The following PLEKHS1 variants were observed in gnomAD, a reference collection of about 807,000 sequenced individuals.
The protein encoded by PLEKHS1 is pleckstrin homology domain containing S1.
PLEKHS1 carries 55 observed loss-of-function variants against 51.0 expected under a neutral mutation model. That is an observed-to-expected ratio of 1.08 (90% CI 0.87 to 1.35). The LOEUF (loss-of-function observed/expected upper bound fraction) is 1.35. Ranked by LOEUF, PLEKHS1 falls within the 40% of genes most tolerant of loss-of-function variation. The probability of loss-of-function intolerance (pLI) is 0.00; values close to 1 mark genes in which losing one functional copy is unlikely to be tolerated. For missense variants in PLEKHS1, 398 were observed against 423.0 expected (o/e 0.94, Z 0.52); for synonymous variants, 153 against 144.8 (o/e 1.06, Z -0.41).
intron 2 of PLEKHS1, 53 bp from the exon 3 acceptor site, chr10:113,766,358 G>A: frequency 1.8e-6 from 2 of 1,132,990 alleles, no homozygotes; most frequent in South Asian, 1.3e-5. Flanking sequence ...AATTGAGGCA[G>A]TTCTTTTCAG....
chr10:113,768,935 C>A (rs1427456090), intron 6 of PLEKHS1, 45 bp downstream of exon 6: 6 of 1,439,680 alleles, frequency 4.2e-6, no homozygotes, highest in Non-Finnish European at 5.7e-6. Context: ...CTGAACACAA[C>A]CCTCTTTCAA....
intron 11 of PLEKHS1, chr10:113,777,138 AAGGCCCCCC>A: frequency 1.9e-6 from 3 of 1,612,650 alleles, no homozygotes; most frequent in Non-Finnish European, 2.5e-6. Context: ...TCTCAGTGGG[AAGGCCCCCC>A]ACGTTTGGGA....
intron 2 of PLEKHS1, among the ~76,000 whole-genome samples, chr10:113,762,147 T>C (rs1843959506): frequency 6.6e-6 from 1 of 152,030 alleles, no homozygotes; most frequent in South Asian, 2.1e-4. Flanking sequence ...CAGTAGACTC[T>C]GTAGATATGT....
intron 2 of PLEKHS1, among the ~76,000 whole-genome samples, chr10:113,760,946 C>T (rs940307549): frequency 2.0e-5 from 3 of 152,124 alleles, no homozygotes; most frequent in African/African-American, 7.2e-5. Flanking sequence ...TTTTAGCTCT[C>T]ATGTTAAGGT....
exon 11 of PLEKHS1, chr10:113,775,843 C>T (rs532420190): frequency 3.1e-6 from 5 of 1,611,634 alleles, no homozygotes; most frequent in East Asian, 2.2e-5. Context: ...ATCTTGCTCT[C>T]ACAGAAGCCA....
chr10:113,766,544 AG>A, intron 3 of PLEKHS1, 45 bp downstream of exon 3: 1 of 1,581,932 alleles, frequency 6.3e-7, no homozygotes, highest in Non-Finnish European at 8.7e-7. Context: ...CAGCCTCATG[AG>A]CATTTTTAAA....
intron 2 of PLEKHS1, among the ~76,000 whole-genome samples, chr10:113,755,593 C>T (rs895027498): frequency 1.1e-4 from 16 of 151,940 alleles, no homozygotes; most frequent in Non-Finnish European, 2.2e-4. Flanking sequence ...TTAGTAGAGA[C>T]GGGGTTTCTC....
chr10:113,759,012 T>TA (rs373901702), intron 2 of PLEKHS1, among the ~76,000 whole-genome samples: 109 of 145,518 alleles, frequency 7.5e-4, no homozygotes, highest in African/African-American at 2.1e-3. Flanking sequence ...AATTTGTAAA[T>TA]AAAAAAAAAA....
Position 113,774,820 on chromosome 10 carries a change from C to A in PLEKHS1, c.780-6C>A. 6.2e-7 allele frequency: 1 copy of A among 1,612,078 alleles called. No individual in the cohort carries two copies. Among genetic ancestry groups the A allele is most frequent in the Non-Finnish European group, 8.5e-7 (1 of 1,178,270 alleles). The stretch of plus-strand genomic sequence containing the variant: ...ATAGGGCTTGTTTTAACTTCTTATG[C>A]TCTAGTTTTTTCAAAGAGACATCCC... On this transcript the variant is annotated splice_polypyrimidine_tract_variant and splice_region_variant and intron_variant, in intron 9 of 11. Coordinates refer to ENST00000361048, the Ensembl canonical transcript of PLEKHS1.
intron 8 of PLEKHS1, among the ~76,000 whole-genome samples, chr10:113,773,433 T>C (rs2134557921): frequency 6.6e-6 from 1 of 151,624 alleles, no homozygotes; most frequent in East Asian, 1.9e-4. Context: ...CAAAGATAAA[T>C]AAATAAATAA....
rs1346631388 is a variant in PLEKHS1 at position 113,777,328 on chromosome 10, T to C, written c.1091+1462T>C. The C allele has an allele frequency of 1.7e-5, 27 of 1,607,692 alleles. No homozygotes were observed. The East Asian group carries it at 3.3e-4, about 20-fold the overall frequency. The stretch of plus-strand genomic sequence containing the variant: ...GAAGGAAAAAGATCAGGGTCTTAGA[T>C]GGAGTCTGAGAAGTACCCTGAATAC... On this transcript the variant is annotated intron_variant, in intron 11 of 11. Transcript: ENST00000361048.
chr10:113,759,176 G>A (rs1263256712), intron 2 of PLEKHS1, among the ~76,000 whole-genome samples: 1 of 152,154 alleles, frequency 6.6e-6, no homozygotes, highest in Non-Finnish European at 1.5e-5. Context: ...GGCTGAGGTG[G>A]GCAGATCACT....
intron 1 of PLEKHS1, among the ~76,000 whole-genome samples, chr10:113,754,483 C>T (rs573746048): frequency 5.3e-5 from 8 of 152,140 alleles, no homozygotes; most frequent in African/African-American, 1.9e-4. Flanking sequence ...TCAGTTTCTC[C>T]AGGTTATCCT....
intron 2 of PLEKHS1, among the ~76,000 whole-genome samples, chr10:113,756,354 A>T (rs893239889): frequency 1.3e-5 from 2 of 152,096 alleles, no homozygotes; most frequent in East Asian, 1.9e-4. Flanking sequence ...CCAGCTAATC[A>T]AGAGGCTGAG....
At chr10:113,774,849 A>G in exon 10 of PLEKHS1, 2 of 1,614,070 alleles carry the variant, frequency 1.2e-6, no homozygotes, top group Non-Finnish European at 1.7e-6. Flanking sequence ...ACATCCCATG[A>G]GTCTGTGGAT....
intron 2 of PLEKHS1, among the ~76,000 whole-genome samples, chr10:113,756,208 T>G (rs773384235): frequency 5.9e-5 from 9 of 152,130 alleles, no homozygotes; most frequent in African/African-American, 2.2e-4. Context: ...TCAAAGAGTT[T>G]TAAAATGTTG....
chr10:113,772,574 G>C (rs1365764118), intron 8 of PLEKHS1, among the ~76,000 whole-genome samples: 2 of 152,152 alleles, frequency 1.3e-5, no homozygotes, highest in Admixed American at 1.3e-4. Flanking sequence ...ACTGTACTGG[G>C]CATGGTGGCT....
downstream of PLEKHS1, chr10:113,782,799 T>C (rs554845696): frequency 6.6e-6 from 1 of 152,302 alleles, no homozygotes; most frequent in African/African-American, 2.4e-5. Context: ...AATTACCTGG[T>C]CTTGGGGATT....
intron 7 of PLEKHS1, among the ~76,000 whole-genome samples, chr10:113,771,575 T>C (rs969708511): frequency 6.7e-5 from 10 of 149,632 alleles, no homozygotes; most frequent in African/African-American, 1.7e-4. Flanking sequence ...CTCAGGAGGC[T>C]GAGGCAGGAG....
Sources: allele counts gnomAD v4.1 joint callset (sites outside exome capture counted in the v4.1 genomes callset), GRCh38; gene constraint gnomAD v4.1.1; transcripts MANE v1.5; gene names NCBI Gene and HGNC (gene_info 2026-07-23, HGNC 2026-07-21).